The following ZSCAN25 variants were observed in gnomAD, a reference collection of about 807,000 sequenced individuals.
ZSCAN25 encodes zinc finger and SCAN domain-containing protein 25.
In ZSCAN25, 27 loss-of-function variants were observed where a neutral mutation model predicts 38.7. That is an observed-to-expected ratio of 0.70 (90% confidence interval 0.51 to 0.96). The LOEUF is 0.96. ZSCAN25 is among the 40% of genes least tolerant of loss of function. The pLI, the probability that ZSCAN25 is intolerant of heterozygous loss-of-function variation, is 0.00. For synonymous variants in ZSCAN25, 273 were observed against 277.7 expected (o/e 0.98, Z 0.17); for missense variants, 637 against 705.9 (o/e 0.90, Z 1.11).
chr7:99,727,639 C>T, the ZSCAN25 span, among the ~76,000 whole-genome samples: 1,906 of 152,256 alleles, frequency 0.013, 44 homozygotes, highest in African/African-American at 0.044. Context: ...GGCAGTTCCA[C>T]CAGGCCTAAT....
the ZSCAN25 span, chr7:99,671,866 T>G: frequency 2.8e-6 from 2 of 702,810 alleles, no homozygotes. Flanking sequence ...ATGGTGCTGG[T>G]CGTTGCACAA....
chr7:99,617,318 C>A (rs1806552170), intron 1 of ZSCAN25, among the ~76,000 whole-genome samples: 1 of 152,236 alleles, frequency 6.6e-6, no homozygotes, highest in African/African-American at 2.4e-5. Flanking sequence ...AGATCTTGAA[C>A]CAAAGCAGAA....
At chr7:99,642,356 A>AG in the ZSCAN25 span, among the ~76,000 whole-genome samples, 19 of 152,096 alleles carry the variant, frequency 1.2e-4, no homozygotes, top group African/African-American at 3.9e-4. Flanking sequence ...GCTGGGAGGA[A>AG]CCTCCACCAC....
chr7:99,619,387 T>C (rs1806734656), intron 3 of ZSCAN25, among the ~76,000 whole-genome samples, 174 bp from the exon 4 acceptor site: 2 of 152,242 alleles, frequency 1.3e-5, no homozygotes, highest in South Asian at 2.1e-4. Flanking sequence ...CTGTACCTAA[T>C]AGTTGCTTAG....
At chr7:99,684,965 A>G in the ZSCAN25 span, 1 of 526,656 alleles carries the variant, frequency 1.9e-6, no homozygotes, top group Non-Finnish European at 3.4e-6. Flanking sequence ...CAAGTATAAC[A>G]CTCTACACAG....
chr7:99,738,018 A>G, the ZSCAN25 span, among the ~76,000 whole-genome samples: 1 of 152,278 alleles, frequency 6.6e-6, no homozygotes, highest in South Asian at 2.1e-4. Context: ...GTATTAAAGC[A>G]TTCATCATGT....
chr7:99,687,120 C>T, the ZSCAN25 span, among the ~76,000 whole-genome samples: 1 of 152,236 alleles, frequency 6.6e-6, no homozygotes, highest in Non-Finnish European at 1.5e-5. Context: ...GAGTGCCTCT[C>T]CTCCTCCAAA....
the ZSCAN25 span, among the ~76,000 whole-genome samples, chr7:99,655,732 G>T: frequency 6.6e-6 from 1 of 152,154 alleles, no homozygotes; most frequent in Non-Finnish European, 1.5e-5. Context: ...TGTTCCATTT[G>T]TTTGTATCTT....
At chr7:99,680,491 T>C in the ZSCAN25 span, among the ~76,000 whole-genome samples, 1 of 152,302 alleles carries the variant, frequency 6.6e-6, no homozygotes, top group Non-Finnish European at 1.5e-5. Flanking sequence ...CTCTTTTCTC[T>C]CTACCACCAT....
At position 99,629,009 on chromosome 7, in the gene ZSCAN25, T is replaced by C. The variant is rs1197256486; in HGVS notation, c.806-182T>C. Among the ~76,000 whole-genome samples the C allele has an allele frequency of 6.6e-6, 1 of 152,110 alleles. No individual in the cohort carries two copies. The highest frequency in any genetic ancestry group is 1.5e-5 in the Non-Finnish European group (1 of 68,012). ...GCGGGCACTGGAATTTGGCAGACTA[T>C]TCTGTAAAAAGACATGGAGGTGGAA... On this transcript the variant is annotated intron_variant, in intron 7 of 7. Coordinates refer to ENST00000394152, the MANE Select transcript of ZSCAN25 (RefSeq NM_145115.3). The surrounding 1 kb of genome is among the most constrained non-coding windows in gnomAD (Gnocchi z 5.6).
At chr7:99,709,645 G>A in the ZSCAN25 span, among the ~76,000 whole-genome samples, 115,834 of 152,158 alleles carry the variant, frequency 0.76, 47,097 homozygotes, top group Non-Finnish European at 0.91. Flanking sequence ...TGTAACCAAG[G>A]AAGTGAAAAC....
chr7:99,622,522 T>C, intron 5 of ZSCAN25, 27 bp from the exon 6 acceptor site: 1 of 1,608,034 alleles, frequency 6.2e-7, no homozygotes, highest in Non-Finnish European at 8.5e-7. Flanking sequence ...CCTTCTGATC[T>C]TTCTCATGCT....
At chr7:99,722,755 CTT>C in the ZSCAN25 span, among the ~76,000 whole-genome samples, 1 of 152,162 alleles carries the variant, frequency 6.6e-6, no homozygotes, top group African/African-American at 2.4e-5. Context: ...TCTTTTTTCT[CTT>C]TGTTCTTCAT....
At chr7:99,706,088 T>C in the ZSCAN25 span, among the ~76,000 whole-genome samples, 1 of 152,216 alleles carries the variant, frequency 6.6e-6, no homozygotes, top group East Asian at 1.9e-4. Flanking sequence ...CCATCTAGTG[T>C]AAAGATGGGA....
chr7:99,681,511 G>T, the ZSCAN25 span, among the ~76,000 whole-genome samples: 63 of 152,166 alleles, frequency 4.1e-4, no homozygotes, highest in Non-Finnish European at 8.7e-4. Flanking sequence ...TTTAGCTGGG[G>T]TAAGATGATA....
At chr7:99,674,435 A>G in the ZSCAN25 span, 1 of 854,094 alleles carries the variant, frequency 1.2e-6, no homozygotes, top group Non-Finnish European at 1.9e-6. Context: ...GGTTGACAAG[A>G]GCTTCATCCC....
chr7:99,677,333 C>A, the ZSCAN25 span: 1 of 778,310 alleles, frequency 1.3e-6, no homozygotes, highest in Non-Finnish European at 1.6e-6. Flanking sequence ...GAGAGGCAAA[C>A]TACAAAAATG....
the ZSCAN25 span, among the ~76,000 whole-genome samples, chr7:99,683,695 G>A: frequency 6.6e-6 from 1 of 151,868 alleles, no homozygotes; most frequent in Non-Finnish European, 1.5e-5. Context: ...GCTTTTTCAG[G>A]CCACCCCTCT....
the ZSCAN25 span, chr7:99,710,868 G>A: frequency 1.1e-4 from 171 of 1,613,730 alleles, 1 homozygote; most frequent in East Asian, 3.7e-3. Flanking sequence ...AATTGATTGG[G>A]CCATGAGCTC....
Sources: allele counts gnomAD v4.1 joint callset (sites outside exome capture counted in the v4.1 genomes callset), GRCh38; gene constraint gnomAD v4.1.1; non-coding constraint Gnocchi (gnomAD v3.1); transcripts MANE v1.5; gene names NCBI Gene and HGNC (gene_info 2026-07-23, HGNC 2026-07-21).